PLEKHA8: variants seen among roughly 807,000 people sequenced by gnomAD.
PLEKHA8 encodes pleckstrin homology domain-containing family A member 8.
A neutral mutation model predicts 68.2 loss-of-function variants in PLEKHA8; 36 were observed. The ratio of observed to expected loss-of-function variants is 0.53; its 90% CI spans 0.40 to 0.70. PLEKHA8 has a LOEUF of 0.70. Ranked by LOEUF, PLEKHA8 falls within the 30% of genes least tolerant of loss-of-function variation. The probability of loss-of-function intolerance (pLI) is 0.00; values close to 1 mark genes in which losing one functional copy is unlikely to be tolerated. For missense variants in PLEKHA8, 505 were observed against 615.4 expected (o/e 0.82, Z 1.90); for synonymous variants, 211 against 216.1 (o/e 0.98, Z 0.20).
chr7:30,100,476 T>G (rs1232576435), intron 13 of PLEKHA8, among the ~76,000 whole-genome samples: 3 of 149,702 alleles, frequency 2.0e-5, no homozygotes, highest in Non-Finnish European at 4.5e-5. Flanking sequence ...CACTTGAACC[T>G]AGGAGGTGGA....
chr7:30,060,847 T>C (rs768946312), intron 9 of PLEKHA8, 37 bp from the exon 10 acceptor site: 2 of 1,566,114 alleles, frequency 1.3e-6, no homozygotes, highest in East Asian at 4.5e-5. Context: ...CACTTAAAAA[T>C]TGCTTTTTCA....
intron 2 of PLEKHA8, among the ~76,000 whole-genome samples, chr7:30,045,556 C>T (rs888836790): frequency 6.6e-6 from 1 of 152,250 alleles, no homozygotes; most frequent in African/African-American, 2.4e-5. Context: ...CACACACACA[C>T]ACACCCTCCA....
intron 13 of PLEKHA8, among the ~76,000 whole-genome samples, chr7:30,120,161 A>G (rs1477261641): frequency 7.0e-6 from 1 of 142,496 alleles, no homozygotes; most frequent in Non-Finnish European, 1.5e-5. Context: ...ATAATTAAAA[A>G]AAAAAAAACA....
In PLEKHA8 at chr7:30,073,785, C is replaced by G. The variant is rs377320643; in HGVS notation, c.1301-286C>G. 4.0e-5 allele frequency among the ~76,000 whole-genome samples: 6 copies of G among 151,840 alleles called. No homozygotes were observed. The East Asian group carries it at 9.7e-4, about 24-fold the overall frequency. On this transcript the variant is annotated intron_variant, in intron 12 of 13. Transcript: ENST00000449726. ...GGAGGATCACCTGAGCCCAGGAGTT[C>G]CAGAACAGCCTGGGCAACATAGCGA...
At chr7:30,051,811 A>G (rs1175287406) in intron 6 of PLEKHA8, among the ~76,000 whole-genome samples, 2 of 152,134 alleles carry the variant, frequency 1.3e-5, no homozygotes, top group East Asian at 3.9e-4. Context: ...TGTCTCTACT[A>G]AAAATGCAAA....
At chr7:30,102,049 G>A (rs548828145) in intron 13 of PLEKHA8, among the ~76,000 whole-genome samples, 2 of 152,310 alleles carry the variant, frequency 1.3e-5, no homozygotes, top group East Asian at 3.9e-4. Context: ...TAAGGGACTG[G>A]TATCTAGAAT....
intron 1 of PLEKHA8, among the ~76,000 whole-genome samples, chr7:30,032,583 A>G (rs1039032022): frequency 6.6e-6 from 1 of 152,240 alleles, no homozygotes; most frequent in South Asian, 2.1e-4. Flanking sequence ...TCAGTGCTCC[A>G]TTAGACAATA....
At chr7:30,090,410 A>G (rs1298990836) in exon 13 of PLEKHA8, 2 of 486,104 alleles carry the variant, frequency 4.1e-6, no homozygotes, top group East Asian at 6.7e-5. Context: ...TTAAGCAGGT[A>G]AGAACTCAGA....
At chr7:30,050,891 A>C (rs1442090288) in intron 6 of PLEKHA8, 1 of 152,758 alleles carries the variant, frequency 6.5e-6, no homozygotes, top group East Asian at 1.9e-4. Context: ...AAAATAACCT[A>C]CTATCAAAAT....
intron 12 of PLEKHA8, among the ~76,000 whole-genome samples, chr7:30,073,822 T>C (rs557967719): frequency 6.6e-6 from 1 of 152,046 alleles, no homozygotes; most frequent in South Asian, 2.1e-4. Flanking sequence ...ACCTCATCTC[T>C]ACAAAAAATT....
Position 30,083,266 on chromosome 7 carries a change from A to G in PLEKHA8, c.*4479A>G. On this transcript the variant is annotated 3_prime_UTR_variant, in exon 14 of 14. Coordinates refer to ENST00000449726, the MANE Select transcript of PLEKHA8 (RefSeq NM_001197026.2). ...AATGCTTTCGTTAGAAGTACATTCT[A>G]CTTCTGTATGTCCCTTTGTAATCCG... 9.2e-6 allele frequency: 9 copies of G among 982,530 alleles called. No individual in the cohort carries two copies. The highest frequency in any genetic ancestry group is 1.1e-5 in the Non-Finnish European group (9 of 827,282). The allele number at this position is 982,530 out of a possible 1,614,324, so 60.9% of individuals were successfully genotyped here. A position where few individuals can be genotyped will look rare whatever the true frequency, so the allele number is the denominator to read the frequency against.
At chr7:30,056,777 GTGT>G (rs1562871041) in intron 9 of PLEKHA8, among the ~76,000 whole-genome samples, 1 of 108,756 alleles carries the variant, frequency 9.2e-6, no homozygotes, top group Non-Finnish European at 1.9e-5. Flanking sequence ...GTGTGTGTGT[GTGT>G]GTGTGTATAT....
chr7:30,064,202 G>A (rs1341433632), intron 12 of PLEKHA8, among the ~76,000 whole-genome samples: 2 of 152,168 alleles, frequency 1.3e-5, no homozygotes, highest in African/African-American at 4.8e-5. Context: ...CCCTAACAAG[G>A]TGGTTGTAAA....
chr7:30,033,845 A>T (rs2127958498), intron 1 of PLEKHA8, among the ~76,000 whole-genome samples: 1 of 152,202 alleles, frequency 6.6e-6, no homozygotes, highest in Admixed American at 6.5e-5. Context: ...CTAGTAGTGG[A>T]TGTGAAATGA....
chr7:30,052,327 A>G (rs1387946679), intron 6 of PLEKHA8, among the ~76,000 whole-genome samples: 1 of 152,138 alleles, frequency 6.6e-6, no homozygotes, highest in African/African-American at 2.4e-5. Context: ...AAAGGATAAC[A>G]TCTACCTGGG....
chr7:30,093,752 A>G (rs56348425), downstream of PLEKHA8, among the ~76,000 whole-genome samples: 22,131 of 152,166 alleles, frequency 0.15, 1,648 homozygotes, highest in Middle Eastern at 0.18. Flanking sequence ...GAGTCTCCTA[A>G]GCTCAGCTGC....
intron 1 of PLEKHA8, among the ~76,000 whole-genome samples, chr7:30,031,026 A>G (rs1002580158): frequency 2.6e-5 from 4 of 152,158 alleles, no homozygotes; most frequent in African/African-American, 9.7e-5. Flanking sequence ...TGGTTTGTGT[A>G]TTTGTCATGC....
chr7:30,095,366 G>A (rs1317732848), downstream of PLEKHA8, among the ~76,000 whole-genome samples: 1 of 152,156 alleles, frequency 6.6e-6, no homozygotes, highest in Non-Finnish European at 1.5e-5. Flanking sequence ...ACTTTTTAAT[G>A]GGGTTGTTTG....
chr7:30,116,124 G>A (rs1186154589), intron 13 of PLEKHA8: 3 of 149,208 alleles, frequency 2.0e-5, no homozygotes, highest in African/African-American at 4.9e-5. Context: ...ACGTATACAT[G>A]TGTATACATA....
Sources: allele counts gnomAD v4.1 joint callset (sites outside exome capture counted in the v4.1 genomes callset), GRCh38; gene constraint gnomAD v4.1.1; transcripts MANE v1.5; gene names NCBI Gene and HGNC (gene_info 2026-07-23, HGNC 2026-07-21).